RIF1: variants seen among roughly 807,000 people sequenced by gnomAD.
RIF1 encodes replication timing regulatory factor 1.
Under a neutral mutation model 247.1 loss-of-function variants are expected in RIF1, and 45 were observed. The ratio of observed to expected loss-of-function variants is 0.18; its 90% CI spans 0.14 to 0.23. RIF1 has a LOEUF of 0.23. Among genes scored for constraint, RIF1 ranks in the 10% least tolerant of loss-of-function variants. RIF1 has a pLI of 1.00. For missense variants in RIF1, 2,967 were observed against 2,862.5 expected (o/e 1.04, Z -0.83); for synonymous variants, 1,087 against 978.8 (o/e 1.11, Z -2.06).
Position 151,490,467 on chromosome 2 carries a change from C to CT in RIF1, c.*416-4760dup. 1.2e-6 allele frequency: 2 copies of CT among 1,608,560 alleles called. No individual in the cohort carries two copies. The highest frequency in any genetic ancestry group is 1.7e-6 in the Non-Finnish European group (2 of 1,177,594). ...AGACTTCTCCTCACCCCCACTGATG[C>CT]TTAGTGCACTGGCAGATCGTGACTG... On this transcript the variant is annotated intron_variant and NMD_transcript_variant, in intron 9 of 13. Transcript: ENST00000454583.
At chr2:151,491,767 C>A (rs866183504) in intron 9 of RIF1, 3 of 1,586,200 alleles carry the variant, frequency 1.9e-6, no homozygotes, top group Non-Finnish European at 1.7e-6. Flanking sequence ...GTACGCCAGA[C>A]ACGTAAACCT....
At position 151,453,579 on chromosome 2, in the gene RIF1, C is replaced by CAAAA. The variant is rs59661470; in HGVS notation, c.2345-1296_2345-1293dup. On this transcript the variant is annotated intron_variant, in intron 21 of 35. Coordinates refer to ENST00000444746, the MANE Select transcript of RIF1 (RefSeq NM_018151.5). Reference sequence around the variant, plus strand: ...TGGGCAACAGAGCTAGACTCTGTCTCAAAAAAAAAAAAAAAAAAAAAAAGG... The same window carrying CAAAA: ...TGGGCAACAGAGCTAGACTCTGTCTCAAAAAAAAAAAAAAAAAAAAAAAAAAAGG... 6.1e-3 allele frequency among the ~76,000 whole-genome samples: 444 copies of CAAAA among 72,874 alleles called. 5 individuals carry two copies. The highest frequency in any genetic ancestry group is 0.023 in the African/African-American group (412 of 17,916). 47.8% of individuals were successfully genotyped at this position (72,874 alleles called of 152,430 possible). A position where few individuals can be genotyped will look rare whatever the true frequency, so the allele number is the denominator to read the frequency against.
At chr2:151,513,596 G>C in the RIF1 span, 65 of 1,606,988 alleles carry the variant, frequency 4.0e-5, no homozygotes, top group Non-Finnish European at 5.5e-5. Context: ...GGCAATATCA[G>C]TAGCATTCCT....
chr2:151,420,237 G>A lies in RIF1; in HGVS notation c.551G>A (p.Trp184Ter). The A allele has an allele frequency of 6.2e-7, 1 of 1,614,054 alleles. No homozygotes were observed. Among genetic ancestry groups the A allele is most frequent in the Admixed American group, 1.7e-5 (1 of 60,004 alleles). Residue 184 changes from tryptophan to a stop codon, truncating the protein, a stop_gained, in exon 7 of 36, where the codon TGG (tryptophan) becomes TAG (stop). Coordinates refer to ENST00000444746, the MANE Select transcript of RIF1 (RefSeq NM_018151.5). LOFTEE classifies it high-confidence loss of function. ...PIQMGEEAVR[W>*]AKLVIPLVVH... ...CAAATGGGAGAAGAGGCAGTGAGGT[G>A]GGCAAAACTGGTCATACCTTTAGTG...
Position 151,468,062 on chromosome 2 carries a change from A to T in RIF1, c.6663A>T (p.Arg2221Ser). Residue 2221 changes from arginine to serine, a missense_variant, in exon 31 of 36, where the codon AGA (arginine) becomes AGT (serine). Coordinates refer to ENST00000444746, the MANE Select transcript of RIF1 (RefSeq NM_018151.5). ...YQAGLADDID[R>S]RCSIVRSHSS... ...CAGGATTGGCAGATGACATTGATAGACGGTGCTCTATTGTTAGGTCCCATT... is the reference window on the plus strand; with the variant it reads ...CAGGATTGGCAGATGACATTGATAGTCGGTGCTCTATTGTTAGGTCCCATT... 3 of 1,613,812 alleles carry T rather than the reference A, an allele frequency of 1.9e-6. No individual in the cohort carries two copies. Among genetic ancestry groups the T allele is most frequent in the Non-Finnish European group, 2.5e-6 (3 of 1,179,846 alleles).
Position 151,463,848 on chromosome 2 carries a change from G to A in RIF1, c.4328G>A (p.Arg1443Gln), listed in dbSNP as rs768140931. Residue 1443 changes from arginine to glutamine, a missense_variant, in exon 30 of 36, where the codon CGA (arginine) becomes CAA (glutamine). Arg to Gln is a conservative substitution (Grantham distance 43, BLOSUM62 1). Coordinates refer to ENST00000444746, the MANE Select transcript of RIF1 (RefSeq NM_018151.5). ...GAAAATAGTCATCAAAAAAAGGAAC[G>A]ACGTAAGGAAGAAGAAAAACCTCTT... ...DKENSHQKKERRKEEEKPLQK... is the reference protein window; with the variant it reads ...DKENSHQKKEQRKEEEKPLQK... The A allele has an allele frequency of 5.5e-5, 88 of 1,611,762 alleles. No individual in the cohort carries two copies. The highest frequency in any genetic ancestry group is 3.3e-4 in the Middle Eastern group (2 of 6,068).
At chr2:151,421,471 TGA>T (rs1558939456) in intron 7 of RIF1, among the ~76,000 whole-genome samples, 1 of 152,076 alleles carries the variant, frequency 6.6e-6, no homozygotes, top group East Asian at 1.9e-4. Context: ...GTGGAGTGAA[TGA>T]GAGTGAGAGG....
chr2:151,512,016 ACT>A (rs2074795476), downstream of RIF1, among the ~76,000 whole-genome samples: 1 of 111,028 alleles, frequency 9.0e-6, no homozygotes, highest in Non-Finnish European at 1.8e-5. Flanking sequence ...TTACCCTCTC[ACT>A]CTTTTTTTTT....
chr2:151,496,462 AAC>A (rs1455408452), intron 10 of RIF1: 22 of 1,479,010 alleles, frequency 1.5e-5, no homozygotes, highest in South Asian at 2.6e-5. Context: ...TTGTTAAGAA[AAC>A]ACAGTCGTCC....
At chr2:151,529,691 C>T in the RIF1 span, among the ~76,000 whole-genome samples, 2 of 152,098 alleles carry the variant, frequency 1.3e-5, no homozygotes, top group African/African-American at 2.4e-5. Context: ...CCACCTCACC[C>T]GGCTAATTTT....
the RIF1 span, among the ~76,000 whole-genome samples, chr2:151,524,786 C>T: frequency 6.7e-6 from 1 of 150,022 alleles, no homozygotes; most frequent in Admixed American, 6.7e-5. Flanking sequence ...TCTGCCTCAG[C>T]CTCCCGAGTA....
chr2:151,500,730 T>TGAGA (rs2153055716), intron 11 of RIF1, among the ~76,000 whole-genome samples: 1 of 151,840 alleles, frequency 6.6e-6, no homozygotes, highest in South Asian at 2.1e-4. Flanking sequence ...CCCAAGTAGC[T>TGAGA]GAGACTACAG....
At chr2:151,450,156 C>CT (rs953222964) in intron 20 of RIF1, among the ~76,000 whole-genome samples, 24 of 147,764 alleles carry the variant, frequency 1.6e-4, no homozygotes, top group Middle Eastern at 6.9e-3. Flanking sequence ...ATGTCCCCCC[C>CT]TTTTTTTTTT....
chr2:151,525,268 A>G, the RIF1 span: 2 of 1,606,722 alleles, frequency 1.2e-6, no homozygotes, highest in Non-Finnish European at 1.7e-6. Context: ...TCTTTTTGTA[A>G]TTTGTCTAAA....
chr2:151,468,849 A>C (rs1697365991), intron 33 of RIF1, 93 bp downstream of exon 33: 1 of 897,656 alleles, frequency 1.1e-6, no homozygotes, highest in Non-Finnish European at 1.8e-6. Context: ...TTTAGAATTG[A>C]TTGGCATGTA....
rs918812409 is a variant in RIF1, at chr2:151,441,828, G to A, written c.1648-77G>A. 3 of 626,520 alleles carry A rather than the reference G, an allele frequency of 4.8e-6. No homozygotes were observed. In the African/African-American group the frequency reaches 5.8e-5, roughly 12 times the overall value. 38.8% of individuals were successfully genotyped at this position (626,520 alleles called of 1,614,324 possible). On this transcript the variant is annotated intron_variant, in intron 15 of 35. Coordinates refer to ENST00000444746, the MANE Select transcript of RIF1 (RefSeq NM_018151.5). The stretch of plus-strand genomic sequence containing the variant: ...ATGAACATTACTTGTAATTGTTAGA[G>A]ATATAGTTAACACTCAGATTTTTAT...
At chr2:151,430,932 G>T (rs188102265) in intron 9 of RIF1, among the ~76,000 whole-genome samples, 7 of 152,300 alleles carry the variant, frequency 4.6e-5, no homozygotes, top group African/African-American at 1.7e-4. Context: ...AGGATTACAG[G>T]TGTGAGCCAC....
At chr2:151,426,167 A>ATT (rs1345679795) in intron 8 of RIF1, among the ~76,000 whole-genome samples, 1 of 83,854 alleles carries the variant, frequency 1.2e-5, no homozygotes, top group Non-Finnish European at 2.4e-5. Context: ...TTTGGCTTTT[A>ATT]ATTTTTTTTT....
At chr2:151,411,716 TAA>T (rs748729316) in intron 3 of RIF1, among the ~76,000 whole-genome samples, 1 of 152,178 alleles carries the variant, frequency 6.6e-6, no homozygotes, top group African/African-American at 2.4e-5. Context: ...TGGTGGTTTT[TAA>T]AAGTTTTGCC....
Sources: allele counts gnomAD v4.1 joint callset (sites outside exome capture counted in the v4.1 genomes callset), GRCh38; gene constraint gnomAD v4.1.1; transcripts MANE v1.5; gene names NCBI Gene and HGNC (gene_info 2026-07-23, HGNC 2026-07-21).